Variants in OR3A2 observed in about 807,000 individuals in gnomAD.
OR3A2 encodes the protein olfactory receptor family 3 subfamily A member 2.
For synonymous variants in OR3A2, 126 were observed against 159.3 expected (o/e 0.79, Z 1.57); for missense variants, 318 against 392.8 (o/e 0.81, Z 1.61).
chr17:3,333,638 C>T (rs1022265414), intron 3 of OR3A2, among the ~76,000 whole-genome samples: 2 of 151,990 alleles, frequency 1.3e-5, no homozygotes, highest in African/African-American at 4.8e-5. Flanking sequence ...GACTGGCCAA[C>T]ACTTAGGGAA....
chr17:3,298,703 C>T (rs920345235), intron 3 of OR3A2, among the ~76,000 whole-genome samples: 1 of 152,128 alleles, frequency 6.6e-6, no homozygotes, highest in Non-Finnish European at 1.5e-5. Context: ...CAGAAGGGGG[C>T]CCCCGGAGAG....
chr17:3,338,448 A>G (rs879386916), intron 2 of OR3A2, among the ~76,000 whole-genome samples: 7 of 152,112 alleles, frequency 4.6e-5, no homozygotes, highest in Non-Finnish European at 8.8e-5. Context: ...TAATTTTTGT[A>G]TAAAGTGTAA....
intron 3 of OR3A2, among the ~76,000 whole-genome samples, chr17:3,308,998 C>A (rs551246404): frequency 3.0e-4 from 45 of 152,222 alleles, no homozygotes; most frequent in African/African-American, 1.0e-3. Flanking sequence ...CTCCACCTCC[C>A]AGGTTCAAGC....
chr17:3,381,317 G>GATTTT, intron 2 of OR3A2, among the ~76,000 whole-genome samples: 1 of 145,006 alleles, frequency 6.9e-6, no homozygotes, highest in Non-Finnish European at 1.5e-5. Context: ...TCAAACATAG[G>GATTTT]GTTTTTTTTT....
chr17:3,349,366 G>C (rs2049399367), intron 2 of OR3A2, among the ~76,000 whole-genome samples: 5 of 151,680 alleles, frequency 3.3e-5, no homozygotes, highest in Admixed American at 2.6e-4. Context: ...AACAAAAAAA[G>C]GCAGGGGTTG....
chr17:3,325,070 T>G (rs993954894), intron 3 of OR3A2, among the ~76,000 whole-genome samples: 1 of 152,068 alleles, frequency 6.6e-6, no homozygotes, highest in African/African-American at 2.4e-5. Flanking sequence ...CTATTTTTTT[T>G]ACTATTTTTA....
At chr17:3,333,144 C>T (rs1057230539) in intron 3 of OR3A2, among the ~76,000 whole-genome samples, 5 of 152,156 alleles carry the variant, frequency 3.3e-5, no homozygotes, top group African/African-American at 1.2e-4. Flanking sequence ...AAAATAATTG[C>T]ATTCCTGGGT....
At chr17:3,385,346 T>C (rs2049768744) in intron 1 of OR3A2, among the ~76,000 whole-genome samples, 1 of 152,192 alleles carries the variant, frequency 6.6e-6, no homozygotes, top group Non-Finnish European at 1.5e-5. Flanking sequence ...CTCCTAATTG[T>C]TTAAACAAAT....
intron 2 of OR3A2, among the ~76,000 whole-genome samples, chr17:3,368,020 C>A (rs1048491416): frequency 6.6e-6 from 1 of 152,030 alleles, no homozygotes; most frequent in Non-Finnish European, 1.5e-5. Flanking sequence ...CCTATGTTTG[C>A]TGACCATTTG....
At position 3,328,507 on chromosome 17, in the gene OR3A2, G is replaced by A. The variant is rs564263673; in HGVS notation, c.-85+7526C>T. Among the ~76,000 whole-genome samples the A allele has an allele frequency of 1.3e-4, 18 of 138,406 alleles. No homozygotes were observed. In the East Asian group the frequency reaches 3.0e-3, roughly 23 times the overall value. 90.8% of individuals were successfully genotyped at this position (138,406 alleles called of 152,430 possible). A position where few individuals can be genotyped will look rare whatever the true frequency, so the allele number is the denominator to read the frequency against. On this transcript the variant is annotated intron_variant, in intron 3 of 4. Coordinates refer to the OR3A2 transcript ENST00000573491. ...ATACAATGATGTTGTCTGCAAACAG[G>A]GACAATTTGACTTCCTCTTTTCCTA...
At chr17:3,328,921 G>A (rs990325752) in intron 3 of OR3A2, among the ~76,000 whole-genome samples, 3 of 151,452 alleles carry the variant, frequency 2.0e-5, no homozygotes, top group Non-Finnish European at 4.4e-5. Context: ...TTAGCATGAA[G>A]TGTTGTTGAA....
At chr17:3,297,879 C>T (rs565580780) in intron 3 of OR3A2, among the ~76,000 whole-genome samples, 4 of 151,604 alleles carry the variant, frequency 2.6e-5, no homozygotes, top group Non-Finnish European at 5.9e-5. Flanking sequence ...AAGATTGATA[C>T]GATTTAAGGG....
chr17:3,290,076 T>G (rs572367368), intron 3 of OR3A2, among the ~76,000 whole-genome samples: 2 of 152,234 alleles, frequency 1.3e-5, no homozygotes, highest in African/African-American at 4.8e-5. Context: ...CACCTCTGTT[T>G]AGAGAAAGAG....
chr17:3,345,811 T>C (rs985482690), intron 2 of OR3A2, among the ~76,000 whole-genome samples: 2 of 152,040 alleles, frequency 1.3e-5, no homozygotes, highest in Admixed American at 1.3e-4. Context: ...TTTTTTAAAA[T>C]TTTTCCAAAA....
intron 3 of OR3A2, among the ~76,000 whole-genome samples, chr17:3,303,660 G>A (rs557653166): frequency 6.6e-6 from 1 of 151,480 alleles, no homozygotes; most frequent in Non-Finnish European, 1.5e-5. Context: ...CAGGAGGATC[G>A]CTTGAACACG....
intron 3 of OR3A2, among the ~76,000 whole-genome samples, chr17:3,312,436 C>T (rs1236119799): frequency 6.6e-6 from 1 of 152,082 alleles, no homozygotes; most frequent in Non-Finnish European, 1.5e-5. Flanking sequence ...CAAGCACCTT[C>T]TTCAGAGCAA....
intron 3 of OR3A2, among the ~76,000 whole-genome samples, chr17:3,328,941 A>G (rs1177905710): frequency 6.6e-6 from 1 of 151,570 alleles, no homozygotes; most frequent in Non-Finnish European, 1.5e-5. Flanking sequence ...ATTTTGTCAA[A>G]GGCCTTTTCT....
intron 2 of OR3A2, among the ~76,000 whole-genome samples, chr17:3,340,146 A>G (rs1377415158): frequency 5.9e-5 from 9 of 151,980 alleles, no homozygotes; most frequent in East Asian, 3.9e-4. Context: ...TATTACATCT[A>G]TTTGATTCTT....
intron 2 of OR3A2, among the ~76,000 whole-genome samples, chr17:3,341,669 C>T (rs1467698779): frequency 6.6e-6 from 1 of 152,098 alleles, no homozygotes; most frequent in African/African-American, 2.4e-5. Flanking sequence ...GTGGGTAACC[C>T]GACCTTTCTC....
Sources: allele counts gnomAD v4.1 joint callset (sites outside exome capture counted in the v4.1 genomes callset), GRCh38; gene constraint gnomAD v4.1.1; transcripts MANE v1.5; gene names NCBI Gene and HGNC (gene_info 2026-07-23, HGNC 2026-07-21).